PALM2AKAP2: variants seen among roughly 807,000 people sequenced by gnomAD.
The protein encoded by PALM2AKAP2 is PALM2 and AKAP2 fusion, also known as PALM2-AKAP2 fusion protein.
In PALM2AKAP2, 37 loss-of-function variants were observed where a neutral mutation model predicts 71.5. That is an observed-to-expected ratio of 0.52 (90% CI 0.40 to 0.68). PALM2AKAP2 has a LOEUF of 0.68. Ranked by LOEUF, PALM2AKAP2 falls within the 30% of genes least tolerant of loss-of-function variation. The pLI is 0.00. For synonymous variants in PALM2AKAP2, 468 were observed against 478.8 expected, an observed-to-expected ratio of 0.98 and a Z score of 0.29; for missense variants, 1,224 against 1,191.8, an observed-to-expected ratio of 1.03 and a Z score of -0.40.
chr9:109,803,660 A>G (rs1370237633), intron 1 of PALM2AKAP2, among the ~76,000 whole-genome samples: 1 of 152,194 alleles, frequency 6.6e-6, no homozygotes, highest in Non-Finnish European at 1.5e-5. Flanking sequence ...TCTTGAGGGA[A>G]CCAGCTGCAG....
intron 1 of PALM2AKAP2, among the ~76,000 whole-genome samples, chr9:109,744,860 C>A (rs117846149): frequency 2.0e-5 from 3 of 152,212 alleles, no homozygotes; most frequent in Non-Finnish European, 4.4e-5. Context: ...AACACTAGGA[C>A]CCTCCAACCT....
chr9:109,786,247 A>G (rs920958196), intron 1 of PALM2AKAP2, among the ~76,000 whole-genome samples: 1 of 152,096 alleles, frequency 6.6e-6, no homozygotes, highest in Admixed American at 6.5e-5. Flanking sequence ...GCCGACCTGC[A>G]CAGCATGGGC....
chr9:109,786,385 C>T (rs1461448236), intron 1 of PALM2AKAP2, among the ~76,000 whole-genome samples: 1 of 152,250 alleles, frequency 6.6e-6, no homozygotes, highest in Admixed American at 6.5e-5. Flanking sequence ...CCATCCCCAT[C>T]CATGTTCCTT....
intron 1 of PALM2AKAP2, among the ~76,000 whole-genome samples, chr9:109,690,661 G>T (rs941905952): frequency 6.6e-6 from 1 of 152,108 alleles, no homozygotes; most frequent in African/African-American, 2.4e-5. Flanking sequence ...CATTAACCTA[G>T]GGTACATGGA....
chr9:109,703,101 G>A (rs1200583392), intron 1 of PALM2AKAP2, among the ~76,000 whole-genome samples: 1 of 152,178 alleles, frequency 6.6e-6, no homozygotes, highest in East Asian at 1.9e-4. Context: ...TTATAGGCGT[G>A]AGCCACTGTG....
At chr9:109,958,175 A>T (rs765240008) in intron 6 of PALM2AKAP2, among the ~76,000 whole-genome samples, 3 of 152,050 alleles carry the variant, frequency 2.0e-5, no homozygotes, top group Non-Finnish European at 2.9e-5. Context: ...AAAGAAACAG[A>T]TGGAGAAATT....
chr9:110,046,585 C>T (rs989173019), upstream of PALM2AKAP2, among the ~76,000 whole-genome samples: 3 of 151,728 alleles, frequency 2.0e-5, no homozygotes, highest in Non-Finnish European at 1.5e-5. Flanking sequence ...TCTCCTGTCT[C>T]ACCCTCCTGA....
chr9:109,834,513 G>C (rs1253894488), intron 1 of PALM2AKAP2, among the ~76,000 whole-genome samples: 1 of 152,180 alleles, frequency 6.6e-6, no homozygotes, highest in Non-Finnish European at 1.5e-5. Flanking sequence ...GTTGTGTGGA[G>C]TCTGAGGCTG....
chr9:109,753,713 G>C (rs537647230), intron 1 of PALM2AKAP2, among the ~76,000 whole-genome samples: 1 of 152,230 alleles, frequency 6.6e-6, no homozygotes, highest in East Asian at 1.9e-4. Context: ...AACTCATCGA[G>C]GCAGTTAGAG....
chr9:109,923,982 G>A, intron 4 of PALM2AKAP2, 133 bp downstream of exon 4: 2 of 952,792 alleles, frequency 2.1e-6, no homozygotes, highest in Admixed American at 3.2e-5. Context: ...GAAATGAGGG[G>A]CAGATGTGTG....
At chr9:109,679,509 T>C (rs1375872293) in intron 1 of PALM2AKAP2, among the ~76,000 whole-genome samples, 1 of 152,216 alleles carries the variant, frequency 6.6e-6, no homozygotes, top group Non-Finnish European at 1.5e-5. Context: ...TCGAAAACTC[T>C]GACTTATAAT....
chr9:109,716,641 G>C (rs1828324751), intron 1 of PALM2AKAP2, among the ~76,000 whole-genome samples: 1 of 152,202 alleles, frequency 6.6e-6, no homozygotes, highest in African/African-American at 2.4e-5. Flanking sequence ...CTTTAGTCAG[G>C]GATAGGGGGA....
chr9:110,057,144 CTT>C (rs71492870), intron 1 of PALM2AKAP2, among the ~76,000 whole-genome samples: 12,016 of 152,092 alleles, frequency 0.079, 504 homozygotes, highest in Middle Eastern at 0.12. Context: ...TTTACCTCCA[CTT>C]TTTTAGAGAC....
intron 3 of PALM2AKAP2, 141 bp downstream of exon 3, chr9:109,880,822 T>G (rs1463086574): frequency 3.1e-6 from 4 of 1,281,080 alleles, no homozygotes; most frequent in Non-Finnish European, 4.1e-6. Flanking sequence ...ACATTGATGT[T>G]GTTTAAACTT....
chr9:109,991,951 A>T (rs1832492872), intron 6 of PALM2AKAP2, among the ~76,000 whole-genome samples: 1 of 152,238 alleles, frequency 6.6e-6, no homozygotes, highest in South Asian at 2.1e-4. Context: ...CGAGAAGAAC[A>T]TTCTGACCTG....
intron 1 of PALM2AKAP2, among the ~76,000 whole-genome samples, chr9:109,813,477 C>A (rs1017781378): frequency 1.3e-5 from 2 of 152,162 alleles, no homozygotes; most frequent in African/African-American, 4.8e-5. Flanking sequence ...GCTGAAGCTG[C>A]CGCTTTTTAA....
exon 4 of PALM2AKAP2, chr9:110,169,661 T>G (rs1372614545): frequency 1.3e-5 from 2 of 152,418 alleles, no homozygotes; most frequent in Non-Finnish European, 2.9e-5. Flanking sequence ...GAGCAACCAG[T>G]GTGTTTCAGG....
chr9:109,662,909 T>C (rs150595506), intron 1 of PALM2AKAP2, among the ~76,000 whole-genome samples: 17,251 of 152,218 alleles, frequency 0.11, 1,263 homozygotes, highest in Non-Finnish European at 0.16. Flanking sequence ...GGGTGTATTG[T>C]CCAGGAATTT....
intron 1 of PALM2AKAP2, among the ~76,000 whole-genome samples, chr9:109,760,017 T>C (rs902311113): frequency 6.6e-6 from 1 of 152,176 alleles, no homozygotes; most frequent in African/African-American, 2.4e-5. Context: ...AACATTTCCG[T>C]CACCACAGTG....
Sources: allele counts gnomAD v4.1 joint callset (sites outside exome capture counted in the v4.1 genomes callset), GRCh38; gene constraint gnomAD v4.1.1; transcripts MANE v1.5; gene names NCBI Gene and HGNC (gene_info 2026-07-23, HGNC 2026-07-21).